LNPEP: variants seen among roughly 807,000 people sequenced by gnomAD.
The protein encoded by LNPEP is leucyl-cystinyl aminopeptidase.
A neutral mutation model predicts 120.6 loss-of-function variants in LNPEP; 64 were observed. That is an observed-to-expected ratio of 0.53 (90% confidence interval 0.43 to 0.65). LNPEP has a LOEUF of 0.65. Among genes scored for constraint, LNPEP ranks in the 30% least tolerant of loss-of-function variants. LNPEP has a pLI of 0.00. For missense variants in LNPEP, 1,057 were observed against 1,200.0 expected (o/e 0.88, Z 1.76); for synonymous variants, 435 against 425.4 (o/e 1.02, Z -0.28).
At chr5:96,936,296 GCTGAGGGAGGCAGGGAGAGGGGAT>G (rs1788865989) in intron 1 of LNPEP, 122 bp downstream of exon 1, 8 of 759,218 alleles carry the variant, frequency 1.1e-5, no homozygotes, top group Non-Finnish European at 1.5e-5. Flanking sequence ...TCCCACGAGG[GCTGAGGGAGGCAGGGAGAGGGGAT>G]CTGGGGGAGG....
In LNPEP at chr5:97,029,520, A is replaced by G. The variant is rs1211090310; in HGVS notation, c.*987A>G. 1.3e-5 allele frequency: 2 copies of G among 152,318 alleles called. No individual in the cohort carries two copies. The highest frequency in any genetic ancestry group is 4.8e-5 in the African/African-American group (2 of 41,452). The allele number at this position is 152,318 out of a possible 1,614,324, so 9.4% of individuals were successfully genotyped here. A position where few individuals can be genotyped will look rare whatever the true frequency, so the allele number is the denominator to read the frequency against. On this transcript the variant is annotated 3_prime_UTR_variant, in exon 18 of 18. Coordinates refer to ENST00000231368, the MANE Select transcript of LNPEP (RefSeq NM_005575.3). The stretch of plus-strand genomic sequence containing the variant: ...TCTCTCTGAATCATACCCATGTGTG[A>G]ATTTTCATTTTATATGATAGTGTAG...
intron 16 of LNPEP, among the ~76,000 whole-genome samples, 161 bp from the exon 17 acceptor site, chr5:97,027,572 C>T (rs1020070541): frequency 2.6e-5 from 4 of 152,064 alleles, no homozygotes; most frequent in African/African-American, 4.8e-5. Flanking sequence ...TCCTTCCCAC[C>T]GACAATAAGT....
chr5:96,993,017 T>G lies in LNPEP; in HGVS notation c.1134T>G (p.Val378=). 2 of 1,578,012 alleles carry G rather than the reference T, an allele frequency of 1.3e-6. No homozygotes were observed. The change falls in exon 5 of 18, where the codon GTT becomes GTG. Residue 378 remains valine (V), a splice_region_variant and synonymous_variant. Coordinates refer to ENST00000231368, the MANE Select transcript of LNPEP (RefSeq NM_005575.3). Reference sequence around the variant, plus strand: ...TCATACATAATGTTTTCCTTTAGGTTTCTATATATGCTGTACCAGAAAAGA... The same window carrying G: ...TCATACATAATGTTTTCCTTTAGGTGTCTATATATGCTGTACCAGAAAAGA... ...NLSQDVNGTL[V]SIYAVPEKIG... is the part of the protein sequence containing the mutation.
intron 2 of LNPEP, among the ~76,000 whole-genome samples, chr5:96,983,539 A>T (rs1790173995): frequency 6.6e-6 from 1 of 152,012 alleles, no homozygotes; most frequent in African/African-American, 2.4e-5. Flanking sequence ...TCTGCCTCCC[A>T]GGTGCAAGCG....
chr5:97,003,379 A>G, intron 8 of LNPEP, 36 bp from the exon 9 acceptor site: 1 of 1,231,074 alleles, frequency 8.1e-7, no homozygotes, highest in Non-Finnish European at 1.1e-6. Flanking sequence ...GTATTCTATT[A>G]TTTTCTTTCT....
rs549563692 is a variant in LNPEP, at chr5:96,968,323, C to T, written c.20-10815C>T. ...AACAAAACTCTATGTACAGTGGCTA[C>T]CAAGAAGCAAGCCTGTACTGGATAA... On this transcript the variant is annotated intron_variant, in intron 1 of 17. Coordinates refer to ENST00000231368, the MANE Select transcript of LNPEP (RefSeq NM_005575.3). Among the ~76,000 whole-genome samples the T allele has an allele frequency of 5.9e-5, 9 of 152,170 alleles. No homozygotes were observed. In the South Asian group the frequency reaches 1.2e-3, roughly 21 times the overall value.
At chr5:97,018,721 A>G (rs73139250) in intron 13 of LNPEP, among the ~76,000 whole-genome samples, 1,542 of 152,316 alleles carry the variant, frequency 0.01, 25 homozygotes, top group African/African-American at 0.035. Context: ...ATGACGTTCA[A>G]ATGTATTACT....
chr5:96,957,822 T>C (rs1207891962), intron 1 of LNPEP, among the ~76,000 whole-genome samples: 1 of 152,250 alleles, frequency 6.6e-6, no homozygotes, highest in Non-Finnish European at 1.5e-5. Flanking sequence ...AGCTTGAGGT[T>C]AATTTGTTAT....
rs1791529444 is a variant in LNPEP, at chr5:97,034,308, G to A, written c.*5775G>A. 6.6e-6 allele frequency: 1 copy of A among 151,970 alleles called. No homozygotes were observed. Among genetic ancestry groups the A allele is most frequent in the South Asian group, 2.1e-4 (1 of 4,828 alleles). The allele number at this position is 151,970 out of a possible 1,614,324, so 9.4% of individuals were successfully genotyped here. On this transcript the variant is annotated 3_prime_UTR_variant, in exon 18 of 18. Transcript: ENST00000231368. Reference sequence around the variant, plus strand: ...TACTTAGGTACGTAATGAAAATTGAGGTTCATTCTATGAAAAAATCTCCCC... The same window carrying A: ...TACTTAGGTACGTAATGAAAATTGAAGTTCATTCTATGAAAAAATCTCCCC...
intron 13 of LNPEP, among the ~76,000 whole-genome samples, chr5:97,020,076 G>A (rs1453599734): frequency 1.3e-5 from 2 of 152,158 alleles, no homozygotes. Context: ...AAACACAAGC[G>A]AGTTGACATG....
rs1791544038 is a variant in LNPEP, at chr5:97,034,922, A to C, written c.*6389A>C. Reference sequence around the variant, plus strand: ...GTTTCTTTTGGGGGTGTCTGAGTGTATATGTGTGTGTATATACACACAAGA... The same window carrying C: ...GTTTCTTTTGGGGGTGTCTGAGTGTCTATGTGTGTGTATATACACACAAGA... On this transcript the variant is annotated 3_prime_UTR_variant, in exon 18 of 18. Coordinates refer to ENST00000231368, the MANE Select transcript of LNPEP (RefSeq NM_005575.3). 6.6e-6 allele frequency: 1 copy of C among 151,898 alleles called. No individual in the cohort carries two copies. Among genetic ancestry groups the C allele is most frequent in the Non-Finnish European group, 1.5e-5 (1 of 67,956 alleles). The allele number at this position is 151,898 out of a possible 1,614,324, so 9.4% of individuals were successfully genotyped here.
Position 96,979,613 on chromosome 5 carries a change from G to T in LNPEP, c.495G>T (p.Gln165His). 3 of 1,614,100 alleles carry T rather than the reference G, an allele frequency of 1.9e-6. No homozygotes were observed. The highest frequency in any genetic ancestry group is 2.5e-6 in the Non-Finnish European group (3 of 1,179,988). ...ATNGKLFPWA[Q>H]IRLPTAVVPL... The stretch of plus-strand genomic sequence containing the variant: ...ATGGGAAATTGTTTCCATGGGCACA[G>T]ATCAGGCTTCCCACTGCCGTTGTGC... Residue 165 changes from glutamine to histidine, a missense_variant, in exon 2 of 18, where the codon CAG becomes CAT. Gln to His is a conservative substitution (Grantham distance 24, BLOSUM62 0). Transcript: ENST00000231368.
At chr5:96,970,514 A>T (rs1789834543) in intron 1 of LNPEP, among the ~76,000 whole-genome samples, 1 of 151,846 alleles carries the variant, frequency 6.6e-6, no homozygotes, top group South Asian at 2.1e-4. Flanking sequence ...TGTTTAATCC[A>T]TTTACAGTTA....
At chr5:96,988,193 G>A (rs993003096) in intron 4 of LNPEP, among the ~76,000 whole-genome samples, 2 of 150,320 alleles carry the variant, frequency 1.3e-5, no homozygotes, top group Admixed American at 6.6e-5. Context: ...TGCTGTGTTT[G>A]CTTCACACTA....
In LNPEP at chr5:97,006,608, A is replaced by G. The variant is rs73139235; in HGVS notation, c.2035+93A>G. ...TAAGATTACACTTTCCAGTGTGCACACTCTCTGAACTGGTTTTATGAGTTG... is the reference window on the plus strand; with the variant it reads ...TAAGATTACACTTTCCAGTGTGCACGCTCTCTGAACTGGTTTTATGAGTTG... On this transcript the variant is annotated intron_variant, in intron 11 of 17. Transcript: ENST00000231368. 5,350 of 710,912 alleles carry G rather than the reference A, an allele frequency of 7.5e-3. 209 individuals are homozygous for G. In the African/African-American group the frequency reaches 0.087, roughly 12 times the overall value. 44.0% of individuals were successfully genotyped at this position (710,912 alleles called of 1,614,324 possible). A position where few individuals can be genotyped will look rare whatever the true frequency, so the allele number is the denominator to read the frequency against.
chr5:97,025,593 G>T (rs1434579967), intron 15 of LNPEP, among the ~76,000 whole-genome samples: 1 of 152,040 alleles, frequency 6.6e-6, no homozygotes, highest in Non-Finnish European at 1.5e-5. Context: ...TTCCATTCTC[G>T]TTTTCTCTGT....
chr5:96,953,634 A>G (rs1335140331), intron 1 of LNPEP, among the ~76,000 whole-genome samples: 4 of 152,330 alleles, frequency 2.6e-5, no homozygotes, highest in East Asian at 3.8e-4. Flanking sequence ...ATATGTTGCC[A>G]TATATAAAAA....
chr5:96,943,676 A>T (rs1024796227), intron 1 of LNPEP, among the ~76,000 whole-genome samples: 1 of 152,194 alleles, frequency 6.6e-6, no homozygotes, highest in Non-Finnish European at 1.5e-5. Context: ...TTTTTTTAAA[A>T]TTCCATCCTT....
intron 1 of LNPEP, among the ~76,000 whole-genome samples, chr5:96,965,827 T>C (rs756626209): frequency 7.9e-5 from 12 of 152,308 alleles, no homozygotes; most frequent in Non-Finnish European, 1.6e-4. Flanking sequence ...ATTTTTCTTC[T>C]TTTACTGAAG....
Sources: gnomAD v4.1 joint callset for allele counts (sites outside exome capture counted in the v4.1 genomes callset) on GRCh38, gnomAD v4.1.1 for gene constraint, MANE v1.5 for transcripts, NCBI Gene and HGNC (gene_info 2026-07-23, HGNC 2026-07-21) for gene names.